EYS: variants seen among roughly 807,000 people sequenced by gnomAD.
EYS encodes the protein protein eyes shut homolog.
A neutral mutation model predicts 282.1 loss-of-function variants in EYS; 250 were observed. The observed-to-expected ratio is 0.89, with a 90% CI of 0.80 to 0.98. The LOEUF is 0.98. Ranked by LOEUF, EYS falls within the 50% of genes least tolerant of loss-of-function variation. EYS has a pLI of 0.00. For missense variants in EYS, 4,016 were observed against 3,709.0 expected, an observed-to-expected ratio of 1.08 and a Z score of -2.15; for synonymous variants, 1,355 against 1,282.9, an observed-to-expected ratio of 1.06 and a Z score of -1.20.
chr6:65,348,361 AG>A (rs1770478955), intron 9 of EYS, among the ~76,000 whole-genome samples: 1 of 151,754 alleles, frequency 6.6e-6, no homozygotes, highest in Non-Finnish European at 1.5e-5. Flanking sequence ...ACAGTGTACA[AG>A]GGTTCCCTTT....
chr6:64,270,511 C>A (rs1767908035), intron 30 of EYS, among the ~76,000 whole-genome samples: 1 of 151,826 alleles, frequency 6.6e-6, no homozygotes, highest in Admixed American at 6.6e-5. Context: ...GTGGAGAAAT[C>A]AACACAATGA....
At chr6:65,333,346 G>T (rs1165835339) in intron 11 of EYS, among the ~76,000 whole-genome samples, 1 of 151,600 alleles carries the variant, frequency 6.6e-6, no homozygotes, top group East Asian at 1.9e-4. Context: ...AATTTATCAA[G>T]TTACTTATTG....
intron 26 of EYS, among the ~76,000 whole-genome samples, chr6:64,462,987 C>A (rs1022254911): frequency 2.1e-5 from 3 of 143,034 alleles, no homozygotes; most frequent in Non-Finnish European, 4.5e-5. Context: ...GCTCTGTTGC[C>A]CAGGCTGGAG....
intron 28 of EYS, among the ~76,000 whole-genome samples, chr6:64,411,506 A>G (rs1773889391): frequency 6.6e-6 from 1 of 152,130 alleles, no homozygotes; most frequent in Admixed American, 6.6e-5. Flanking sequence ...AGAAAATAAG[A>G]CAATTAGGCT....
chr6:65,003,979 C>T (rs1296175995), intron 13 of EYS, among the ~76,000 whole-genome samples: 2 of 147,074 alleles, frequency 1.4e-5, no homozygotes, highest in Non-Finnish European at 3.0e-5. Flanking sequence ...TCCATGTTTC[C>T]ATCTTACTTT....
chr6:64,928,655 TAAA>T (rs910529268), intron 15 of EYS, among the ~76,000 whole-genome samples: 5 of 152,152 alleles, frequency 3.3e-5, no homozygotes, highest in African/African-American at 1.2e-4. Context: ...AAACAAATGT[TAAA>T]AAAGAAGAAA....
At chr6:64,847,729 A>T (rs1438949958) in intron 19 of EYS, among the ~76,000 whole-genome samples, 1 of 151,988 alleles carries the variant, frequency 6.6e-6, no homozygotes, top group Non-Finnish European at 1.5e-5. Context: ...AAACAAAAAA[A>T]CCATACTTTT....
intron 22 of EYS, among the ~76,000 whole-genome samples, chr6:64,690,443 A>G (rs1462694423): frequency 6.6e-6 from 1 of 152,214 alleles, no homozygotes; most frequent in African/African-American, 2.4e-5. Context: ...ATCTATAACT[A>G]GAAATACCAT....
intron 1 of EYS, among the ~76,000 whole-genome samples, chr6:65,672,036 T>C (rs1768406648): frequency 6.6e-6 from 1 of 152,122 alleles, no homozygotes; most frequent in African/African-American, 2.4e-5. Flanking sequence ...TGACTTGGCA[T>C]ACTGACAGGA....
intron 22 of EYS, among the ~76,000 whole-genome samples, chr6:64,806,685 A>C (rs1377111712): frequency 2.6e-5 from 4 of 152,040 alleles, no homozygotes; most frequent in African/African-American, 9.7e-5. Context: ...AAAAATATGG[A>C]GATAACGACC....
chr6:63,953,038 T>C (rs755159656), intron 35 of EYS, among the ~76,000 whole-genome samples: 3 of 152,216 alleles, frequency 2.0e-5, no homozygotes, highest in Non-Finnish European at 4.4e-5. Flanking sequence ...AACCAAATTG[T>C]TTGGCCTATC....
intron 26 of EYS, among the ~76,000 whole-genome samples, chr6:64,469,815 C>G (rs956610545): frequency 1.3e-5 from 2 of 152,168 alleles, no homozygotes; most frequent in African/African-American, 4.8e-5. Context: ...AACCGTCTCC[C>G]TGTGATGCTG....
At chr6:64,521,059 C>T (rs145216209) in intron 26 of EYS, among the ~76,000 whole-genome samples, 13 of 151,830 alleles carry the variant, frequency 8.6e-5, no homozygotes, top group South Asian at 4.1e-4. Flanking sequence ...TGACAGAAAA[C>T]GAAGTGACAT....
At chr6:64,362,113 C>T (rs1000692336) in intron 29 of EYS, among the ~76,000 whole-genome samples, 9 of 151,758 alleles carry the variant, frequency 5.9e-5, no homozygotes, top group Admixed American at 5.3e-4. Flanking sequence ...GCTGGTGCTG[C>T]CATTTATCTC....
intron 33 of EYS, among the ~76,000 whole-genome samples, chr6:64,033,846 C>CTATA (rs1219965090): frequency 7.1e-6 from 1 of 140,280 alleles, no homozygotes; most frequent in Non-Finnish European, 1.6e-5. Flanking sequence ...CTCTCTCTCT[C>CTATA]TATATATATA....
chr6:64,310,395 A>T (rs1340446604), intron 29 of EYS, among the ~76,000 whole-genome samples: 2 of 152,240 alleles, frequency 1.3e-5, no homozygotes, highest in South Asian at 2.1e-4. Context: ...AATACTACAC[A>T]GCCATGAAAA....
chr6:65,602,834 C>A (rs182534507), intron 2 of EYS, among the ~76,000 whole-genome samples: 1 of 152,020 alleles, frequency 6.6e-6, no homozygotes, highest in Non-Finnish European at 1.5e-5. Context: ...GTGATAACTC[C>A]ATGGCGTGAC....
At chr6:64,968,548 G>A (rs1175352984) in intron 14 of EYS, among the ~76,000 whole-genome samples, 2 of 152,022 alleles carry the variant, frequency 1.3e-5, no homozygotes, top group Non-Finnish European at 2.9e-5. Flanking sequence ...TTACCTGAGA[G>A]GGTCTGATTG....
In EYS at chr6:64,545,322, C is replaced by G. The variant is rs144846840; in HGVS notation, c.5644+44901G>C. Among the ~76,000 whole-genome samples the G allele has an allele frequency of 9.9e-3, 1,502 of 152,178 alleles. 13 individuals carry two copies. The highest frequency in any genetic ancestry group is 0.034 in the Middle Eastern group (10 of 294). On this transcript the variant is annotated intron_variant, in intron 26 of 42. Transcript: ENST00000503581. The stretch of plus-strand genomic sequence containing the variant: ...AAGGCCTTTGACAAAATTCAACGAC[C>G]CTTCATGCTAAAAACTCTCAATAAA...
Sources: gnomAD v4.1 joint callset for allele counts (sites outside exome capture counted in the v4.1 genomes callset) on GRCh38, gnomAD v4.1.1 for gene constraint, MANE v1.5 for transcripts, NCBI Gene and HGNC (gene_info 2026-07-23, HGNC 2026-07-21) for gene names.